The following SAMMSON variants were observed in gnomAD, a reference collection of about 807,000 sequenced individuals.
The protein encoded by SAMMSON is survival associated mitochondrial melanoma specific oncogenic non-coding RNA.
intron 1 of SAMMSON, among the ~76,000 whole-genome samples, chr3:70,003,247 G>A (rs2066913095): frequency 6.6e-6 from 1 of 151,942 alleles, no homozygotes; most frequent in African/African-American, 2.4e-5. Flanking sequence ...CTTTTAAACA[G>A]TGTATAGTGG....
chr3:70,356,850 A>G (rs962041926), intron 8 of SAMMSON, among the ~76,000 whole-genome samples: 10 of 152,278 alleles, frequency 6.6e-5, no homozygotes, highest in African/African-American at 2.4e-4. Context: ...CACCCAGAGC[A>G]GTACTTACAG....
chr3:70,193,518 A>C (rs1273893947), intron 4 of SAMMSON, among the ~76,000 whole-genome samples: 1 of 152,090 alleles, frequency 6.6e-6, no homozygotes, highest in East Asian at 1.9e-4. Context: ...CAGGCTACCA[A>C]GTCCAGCCCC....
chr3:70,402,460 C>T (rs1301610338), intron 2 of SAMMSON, among the ~76,000 whole-genome samples: 1 of 152,084 alleles, frequency 6.6e-6, no homozygotes, highest in Non-Finnish European at 1.5e-5. Flanking sequence ...TCATGAAGTT[C>T]ATCATTCATG....
intron 4 of SAMMSON, among the ~76,000 whole-genome samples, chr3:70,173,453 A>G (rs543548236): frequency 6.6e-6 from 1 of 152,086 alleles, no homozygotes; most frequent in Non-Finnish European, 1.5e-5. Flanking sequence ...CAGCAGTAAC[A>G]ACCAAAATCT....
intron 8 of SAMMSON, among the ~76,000 whole-genome samples, chr3:70,354,467 GA>G (rs1213810014): frequency 1.3e-5 from 2 of 152,162 alleles, no homozygotes; most frequent in African/African-American, 4.8e-5. Context: ...TATAGAATTA[GA>G]ATCATCAGAA....
intron 7 of SAMMSON, among the ~76,000 whole-genome samples, chr3:70,297,585 G>A (rs963247334): frequency 4.6e-5 from 7 of 151,914 alleles, no homozygotes; most frequent in African/African-American, 9.7e-5. Context: ...TTGTGTTATC[G>A]GAATTCTTTG....
chr3:70,091,444 A>C (rs987567738), intron 4 of SAMMSON, among the ~76,000 whole-genome samples: 1 of 152,220 alleles, frequency 6.6e-6, no homozygotes, highest in African/African-American at 2.4e-5. Context: ...ATCTGGGCAC[A>C]TCTGACTGCT....
rs367944217 is a variant in SAMMSON, at chr3:70,341,460, A to G, written n.740-12715A>G. ...ACAGGTTTCTATCCCAGGCCAGAGG[A>G]TGAATCCTAGTTGGTCAAAACAAAT... On this transcript the variant is annotated intron_variant and non_coding_transcript_variant, in intron 7 of 9. Coordinates refer to ENST00000642114, the Ensembl canonical transcript of SAMMSON. Among the ~76,000 whole-genome samples, 215 of 152,306 alleles carry G rather than the reference A, an allele frequency of 1.4e-3. 2 individuals are homozygous for G. The highest frequency in any genetic ancestry group is 5.0e-3 in the African/African-American group (209 of 41,574).
chr3:70,259,914 AAGG>A (rs1205903277), intron 6 of SAMMSON, among the ~76,000 whole-genome samples: 2 of 152,162 alleles, frequency 1.3e-5, no homozygotes. Flanking sequence ...AGGAAGCAGG[AAGG>A]AGAAGTGCCA....
At chr3:70,040,058 G>A (rs570739397) in intron 3 of SAMMSON, among the ~76,000 whole-genome samples, 3 of 152,190 alleles carry the variant, frequency 2.0e-5, no homozygotes, top group Non-Finnish European at 4.4e-5. Flanking sequence ...GGGCTTTAAA[G>A]TCAGAGACAC....
intron 7 of SAMMSON, among the ~76,000 whole-genome samples, chr3:70,300,320 C>G (rs1458450794): frequency 6.6e-6 from 1 of 152,060 alleles, no homozygotes; most frequent in Non-Finnish European, 1.5e-5. Context: ...CTTTCCTTAC[C>G]TACCACCTTC....
chr3:70,388,338 G>A (rs919636578), intron 9 of SAMMSON, among the ~76,000 whole-genome samples: 1 of 152,124 alleles, frequency 6.6e-6, no homozygotes, highest in Non-Finnish European at 1.5e-5. Flanking sequence ...TAGATCATTT[G>A]GGCTTTGAAG....
At chr3:70,289,637 T>TA (rs1359978298) in intron 6 of SAMMSON, among the ~76,000 whole-genome samples, 2 of 151,552 alleles carry the variant, frequency 1.3e-5, no homozygotes, top group Admixed American at 1.3e-4. Context: ...TTCTCCTGGA[T>TA]AATATCCTGC....
intron 6 of SAMMSON, among the ~76,000 whole-genome samples, chr3:70,265,066 C>T (rs1424876317): frequency 1.3e-5 from 2 of 152,126 alleles, no homozygotes; most frequent in Admixed American, 1.3e-4. Flanking sequence ...ATCACAAGAA[C>T]AGCGCAGGAA....
Position 70,039,007 on chromosome 3 carries a change from T to C in SAMMSON, n.417+25335T>C, listed in dbSNP as rs934333052. ...AGCCTGAGACAGGGATGTGGTTATG[T>C]TATATGTGATTTTTGAGCAACAGGT... On this transcript the variant is annotated intron_variant and non_coding_transcript_variant, in intron 3 of 9. Coordinates refer to ENST00000642114, the Ensembl canonical transcript of SAMMSON. Among the ~76,000 whole-genome samples, 5 of 152,144 alleles carry C rather than the reference T, an allele frequency of 3.3e-5. No individual in the cohort carries two copies. The South Asian group carries it at 8.3e-4, about 25-fold the overall frequency.
chr3:70,292,198 T>C (rs1702245287), intron 7 of SAMMSON, among the ~76,000 whole-genome samples: 1 of 152,210 alleles, frequency 6.6e-6, no homozygotes, highest in Non-Finnish European at 1.5e-5. Flanking sequence ...CCTTTATGAA[T>C]TGGAGATAAT....
chr3:70,123,541 A>G (rs1026003906), intron 4 of SAMMSON, among the ~76,000 whole-genome samples: 1 of 152,230 alleles, frequency 6.6e-6, no homozygotes, highest in African/African-American at 2.4e-5. Flanking sequence ...AAGTGCTGGG[A>G]TTACAGGCAT....
chr3:70,338,094 G>A (rs1158368859), intron 7 of SAMMSON, among the ~76,000 whole-genome samples: 3 of 151,548 alleles, frequency 2.0e-5, no homozygotes, highest in Admixed American at 2.0e-4. Context: ...ATTTTAAAAA[G>A]CAGTGTGTTT....
intron 7 of SAMMSON, among the ~76,000 whole-genome samples, chr3:70,348,598 A>G (rs535107335): frequency 9.9e-5 from 15 of 152,160 alleles, no homozygotes; most frequent in Non-Finnish European, 1.9e-4. Context: ...ATACTATCAC[A>G]TTGGAGACTA....
Sources: gnomAD v4.1 joint callset for allele counts (sites outside exome capture counted in the v4.1 genomes callset) on GRCh38, gnomAD v4.1.1 for gene constraint, MANE v1.5 for transcripts, NCBI Gene and HGNC (gene_info 2026-07-23, HGNC 2026-07-21) for gene names.